Variants in GALNT8 observed in about 807,000 individuals in gnomAD.
GALNT8 encodes polypeptide N-acetylgalactosaminyltransferase 8.
A neutral mutation model predicts 62.7 loss-of-function variants in GALNT8; 66 were observed. The ratio of observed to expected loss-of-function variants is 1.05; its 90% CI spans 0.86 to 1.29. The LOEUF (loss-of-function observed/expected upper bound fraction) is 1.29. GALNT8 is among the 50% of genes most tolerant of loss of function. The pLI, the probability that GALNT8 is intolerant of heterozygous loss-of-function variation, is 0.00. For synonymous variants in GALNT8, 288 were observed against 294.3 expected, an observed-to-expected ratio of 0.98 and a Z score of 0.22; for missense variants, 771 against 791.8, an observed-to-expected ratio of 0.97 and a Z score of 0.32.
chr12:4,729,958 G>A (rs1222393343), intron 2 of GALNT8, among the ~76,000 whole-genome samples: 1 of 152,062 alleles, frequency 6.6e-6, no homozygotes, highest in African/African-American at 2.4e-5. Context: ...AGTTTAATTT[G>A]CATTTTCCCT....
At chr12:4,732,390 A>G (rs1313655654) in intron 2 of GALNT8, among the ~76,000 whole-genome samples, 1 of 151,182 alleles carries the variant, frequency 6.6e-6, no homozygotes, top group Non-Finnish European at 1.5e-5. Flanking sequence ...CCAACCAACA[A>G]ACACTTTTTC....
chr12:4,763,242 T>C lies in GALNT8; in HGVS notation c.1360-11T>C. On this transcript the variant is annotated splice_polypyrimidine_tract_variant and intron_variant, in intron 7 of 10. Coordinates refer to ENST00000252318, the MANE Select transcript of GALNT8 (RefSeq NM_017417.2). ...ATCAAAGCACAGAAACACTTGGCGT[T>C]TTATTTACAGAACTCTGGAATAGAT... The C allele has an allele frequency of 1.9e-6, 3 of 1,610,770 alleles. No individual in the cohort carries two copies. The highest frequency in any genetic ancestry group is 3.3e-4 in the Middle Eastern group (2 of 6,056).
At position 4,765,543 on chromosome 12, in the gene GALNT8, A is replaced by G. The variant is rs1273466112; in HGVS notation, c.1758A>G (p.Lys586=). 3 of 1,597,186 alleles carry G rather than the reference A, an allele frequency of 1.9e-6. No individual in the cohort carries two copies. Among genetic ancestry groups the G allele is most frequent in the Non-Finnish European group, 2.6e-6 (3 of 1,173,072 alleles). ...KNRLHIYWDF[K]PGGAVINRDT... The stretch of plus-strand genomic sequence containing the variant: ...GACTGCATATATATTGGGATTTTAA[A>G]CCGGTGAGTTATGTGTTTTTGTTTG... Residue 586 remains lysine (K), a synonymous_variant, in exon 10 of 11, where the codon AAA becomes AAG. Transcript: ENST00000252318.
At position 4,765,387 on chromosome 12, in the gene GALNT8, C is replaced by T; in HGVS notation, c.1602C>T (p.Tyr534=). The change falls in exon 10 of 11, where the codon TAC becomes TAT. Residue 534 remains tyrosine (Y), a synonymous_variant. Coordinates refer to ENST00000252318, the MANE Select transcript of GALNT8 (RefSeq NM_017417.2). ...TTTTTTTTTTTTTTTAGAATGTCTA[C>T]TATCACCTAACTGGGGAGCTCTATG... ...YCHEFSSQNV[Y]YHLTGELYVG... 1.5e-6 allele frequency: 1 copy of T among 687,606 alleles called. No individual in the cohort carries two copies. The highest frequency in any genetic ancestry group is 1.5e-5 in the South Asian group (1 of 65,696). 42.6% of individuals were successfully genotyped at this position (687,606 alleles called of 1,614,324 possible).
intron 2 of GALNT8, among the ~76,000 whole-genome samples, chr12:4,734,551 G>A (rs188463294): frequency 2.8e-4 from 42 of 152,050 alleles, no homozygotes; most frequent in South Asian, 1.2e-3. Flanking sequence ...TCTTCCTTTC[G>A]CTTCTTTCTT....
intron 1 of GALNT8, among the ~76,000 whole-genome samples, chr12:4,721,338 G>A (rs953246940): frequency 2.6e-5 from 4 of 152,148 alleles, no homozygotes; most frequent in African/African-American, 7.2e-5. Flanking sequence ...AGAGAAATAA[G>A]GGGGCCCAGG....
intron 2 of GALNT8, among the ~76,000 whole-genome samples, chr12:4,728,729 T>C (rs1946207433): frequency 6.6e-6 from 1 of 152,166 alleles, no homozygotes; most frequent in Admixed American, 6.5e-5. Flanking sequence ...CCTATCCTTA[T>C]GCCAGGAACA....
rs554762085 is a variant in GALNT8 at position 4,753,746 on chromosome 12, A to G, written c.1174-7212A>G. ...TGTAAATGTTCTTCTGTGTCTGAGCATTGAAGAGTTAGTCTACTTATTCTA... is the reference window on the plus strand; with the variant it reads ...TGTAAATGTTCTTCTGTGTCTGAGCGTTGAAGAGTTAGTCTACTTATTCTA... On this transcript the variant is annotated intron_variant, in intron 6 of 10. Transcript: ENST00000252318. Among the ~76,000 whole-genome samples, 7 of 152,268 alleles carry G rather than the reference A, an allele frequency of 4.6e-5. No homozygotes were observed. The South Asian group carries it at 1.5e-3, about 32-fold the overall frequency.
chr12:4,739,716 G>T (rs1946262977), intron 3 of GALNT8, among the ~76,000 whole-genome samples: 2 of 150,004 alleles, frequency 1.3e-5, no homozygotes, highest in South Asian at 4.2e-4. Flanking sequence ...TCAGGCTAGA[G>T]TGCAGTGGTG....
At chr12:4,744,805 A>G in intron 4 of GALNT8, 105 bp downstream of exon 4, 1 of 722,980 alleles carries the variant, frequency 1.4e-6, no homozygotes, top group Non-Finnish European at 2.2e-6. Context: ...AGTCAGCACC[A>G]GGCCTTAAAT....
At position 4,761,089 on chromosome 12, in the gene GALNT8, C is replaced by G; in HGVS notation, c.1305C>G (p.Ile435Met). Residue 435 changes from isoleucine (I) to methionine (M), a missense_variant, in exon 7 of 11, where the codon ATC becomes ATG. Transcript: ENST00000252318. ...LKRNALRVAEIWMDEHKHMVY... is the reference protein window; with the variant it reads ...LKRNALRVAEMWMDEHKHMVY... ...GCAATGCTCTGCGAGTGGCCGAAAT[C>G]TGGATGGATGAGCACAAACACATGG... is the stretch of plus-strand genomic sequence containing the variant. 6.2e-7 allele frequency: 1 copy of G among 1,614,116 alleles called. No individual in the cohort carries two copies. Among genetic ancestry groups the G allele is most frequent in the Admixed American group, 1.7e-5 (1 of 60,024 alleles).
chr12:4,768,342 T>C (rs1417721293), intron 10 of GALNT8: 2 of 302,876 alleles, frequency 6.6e-6, no homozygotes, highest in Non-Finnish European at 1.3e-5. Flanking sequence ...TCGTAAGAAT[T>C]AAAGATACAA....
chr12:4,729,943 A>G (rs1424458973), intron 2 of GALNT8, among the ~76,000 whole-genome samples: 2 of 152,150 alleles, frequency 1.3e-5, no homozygotes, highest in East Asian at 1.9e-4. Flanking sequence ...TGATAGTGCA[A>G]TGTGAGTTTA....
intron 10 of GALNT8, among the ~76,000 whole-genome samples, chr12:4,766,036 G>T (rs968119550): frequency 6.6e-6 from 1 of 152,218 alleles, no homozygotes; most frequent in Non-Finnish European, 1.5e-5. Context: ...CTCCCAAAGC[G>T]CTGGGATTAC....
At chr12:4,742,633 A>T (rs1349348425) in intron 3 of GALNT8, among the ~76,000 whole-genome samples, 1 of 152,172 alleles carries the variant, frequency 6.6e-6, no homozygotes, top group Non-Finnish European at 1.5e-5. Flanking sequence ...TGGTGATCTA[A>T]GGAGGGTTCC....
At chr12:4,735,714 C>T (rs1053504196) in intron 2 of GALNT8, among the ~76,000 whole-genome samples, 3 of 152,122 alleles carry the variant, frequency 2.0e-5, no homozygotes, top group African/African-American at 7.2e-5. Context: ...AATGCACAAG[C>T]TAGGAAGACC....
At chr12:4,772,413 A>G (rs778290885) in intron 10 of GALNT8, 32 bp from the exon 11 acceptor site, 1 of 1,603,538 alleles carries the variant, frequency 6.2e-7, no homozygotes, top group Admixed American at 1.7e-5. Flanking sequence ...GAGGCATTTC[A>G]GCACCTTGGC....
intron 6 of GALNT8, among the ~76,000 whole-genome samples, chr12:4,758,976 A>G (rs779107542): frequency 1.3e-5 from 2 of 151,994 alleles, no homozygotes; most frequent in Non-Finnish European, 2.9e-5. Context: ...GGGTTTCACC[A>G]TGTTGGCCAG....
At position 4,726,610 on chromosome 12, in the gene GALNT8, C is replaced by T; in HGVS notation, c.290C>T (p.Pro97Leu). 6.2e-7 allele frequency: 1 copy of T among 1,613,376 alleles called. No homozygotes were observed. Residue 97 changes from proline (P) to leucine (L), a missense_variant, in exon 2 of 11, where the codon CCT becomes CTT. Transcript: ENST00000252318. The surrounding 1 kb of genome is among the most constrained non-coding windows in gnomAD (Gnocchi z 4.1). ...TLKRAKDEVRPLLKAMETKVN... is the reference protein window; with the variant it reads ...TLKRAKDEVRLLLKAMETKVN... ...AAGAGGGCGAAAGATGAAGTACGCCCTCTTCTAAAGGCAATGGAAACCAAG... is the reference window on the plus strand; with the variant it reads ...AAGAGGGCGAAAGATGAAGTACGCCTTCTTCTAAAGGCAATGGAAACCAAG...
Sources: allele counts gnomAD v4.1 joint callset (sites outside exome capture counted in the v4.1 genomes callset), GRCh38; gene constraint gnomAD v4.1.1; non-coding constraint Gnocchi (gnomAD v3.1); transcripts MANE v1.5; gene names NCBI Gene and HGNC (gene_info 2026-07-23, HGNC 2026-07-21).